CUBN: variants seen among roughly 807,000 people sequenced by gnomAD.
The protein encoded by CUBN is 460 kDa receptor.
CUBN carries 282 observed loss-of-function variants against 405.3 expected under a neutral mutation model. That is an observed-to-expected ratio of 0.70 (90% CI 0.63 to 0.77). The LOEUF (loss-of-function observed/expected upper bound fraction) is 0.77, where lower values mean the gene tolerates loss of function less well. Among genes scored for constraint, CUBN ranks in the 30% least tolerant of loss-of-function variants. CUBN has a pLI of 0.00. For synonymous variants in CUBN, 1,684 were observed against 1,617.0 expected (o/e 1.04, Z -0.99); for missense variants, 4,514 against 4,475.2 (o/e 1.01, Z -0.25).
intron 9 of CUBN, among the ~76,000 whole-genome samples, chr10:17,110,296 T>G (rs1488004316): frequency 1.3e-5 from 2 of 152,236 alleles, no homozygotes; most frequent in Non-Finnish European, 2.9e-5. Flanking sequence ...GTGCATGATA[T>G]TAACAAATTA....
At chr10:16,986,050 G>A (rs1356664029) in intron 29 of CUBN, among the ~76,000 whole-genome samples, 2 of 152,188 alleles carry the variant, frequency 1.3e-5, no homozygotes, top group Non-Finnish European at 2.9e-5. Flanking sequence ...GGTGGCGAAG[G>A]CAGGATGGGA....
intron 28 of CUBN, among the ~76,000 whole-genome samples, chr10:17,015,948 T>C (rs867697867): frequency 6.6e-6 from 1 of 151,976 alleles, no homozygotes; most frequent in African/African-American, 2.4e-5. Flanking sequence ...TGATCTCACT[T>C]TTCCTTTTGG....
intron 31 of CUBN, among the ~76,000 whole-genome samples, chr10:16,976,390 A>G (rs1300744826): frequency 6.6e-6 from 1 of 152,038 alleles, no homozygotes; most frequent in African/African-American, 2.4e-5. Context: ...TTTTACTTCC[A>G]ATCCTGGTTG....
intron 66 of CUBN, 131 bp downstream of exon 66, chr10:16,828,674 C>A (rs547248801): frequency 2.7e-6 from 2 of 732,022 alleles, no homozygotes; most frequent in Non-Finnish European, 4.7e-6. Flanking sequence ...GTTGAGATTG[C>A]GCGCACCACT....
chr10:16,972,111 C>A lies in CUBN; in HGVS notation c.4695+10373G>T, dbSNP rs372347800. On this transcript the variant is annotated intron_variant, in intron 31 of 66. Transcript: ENST00000377833. ...CCCTCGTGGTTTGAATGCTACCACT[C>A]TCTTCTGGTTCTCCACCAAGCACTC... Among the ~76,000 whole-genome samples, 48 of 152,284 alleles carry A rather than the reference C, an allele frequency of 3.2e-4. 1 individual carries two copies. The South Asian group carries it at 1.0e-2, about 32-fold the overall frequency.
At chr10:17,034,131 C>T (rs7894639) in intron 27 of CUBN, among the ~76,000 whole-genome samples, 142,282 of 152,228 alleles carry the variant, frequency 0.93, 66,526 homozygotes, top group African/African-American at 0.97. Flanking sequence ...ATGCCTTTGA[C>T]TGAAGTCCCC....
intron 6 of CUBN, among the ~76,000 whole-genome samples, chr10:17,116,514 G>C (rs1836903842): frequency 6.6e-6 from 1 of 152,216 alleles, no homozygotes; most frequent in Non-Finnish European, 1.5e-5. Flanking sequence ...TGGGGGAAAT[G>C]ACTGTTGGTG....
intron 27 of CUBN, among the ~76,000 whole-genome samples, chr10:17,021,960 C>T (rs1345618473): frequency 6.6e-6 from 1 of 152,160 alleles, no homozygotes; most frequent in Non-Finnish European, 1.5e-5. Flanking sequence ...GGCAGGTTCC[C>T]CATGCATCTC....
chr10:17,002,455 AT>A lies in CUBN; in HGVS notation c.4169-11941del, dbSNP rs11435297. Among the ~76,000 whole-genome samples, 36 of 151,354 alleles carry A rather than the reference AT, an allele frequency of 2.4e-4. 6 individuals carry two copies. The highest frequency in any genetic ancestry group is 1.4e-3 in the Admixed American group (22 of 15,188). ...GGAAGGTCATGGTGGTTTGAGGGTTATTTTTTTTTCTTTTTATAACTGTTTC... is the reference window on the plus strand; with the variant it reads ...GGAAGGTCATGGTGGTTTGAGGGTTATTTTTTTTCTTTTTATAACTGTTTC... On this transcript the variant is annotated intron_variant, in intron 28 of 66. Transcript: ENST00000377833.
intron 28 of CUBN, among the ~76,000 whole-genome samples, chr10:16,991,381 A>C (rs1833581996): frequency 7.1e-6 from 1 of 141,712 alleles, no homozygotes; most frequent in South Asian, 2.2e-4. Context: ...TGATGCTAGG[A>C]TACTAACTGA....
chr10:17,103,704 G>C (rs1836553066), intron 12 of CUBN, among the ~76,000 whole-genome samples: 1 of 152,214 alleles, frequency 6.6e-6, no homozygotes, highest in African/African-American at 2.4e-5. Context: ...TAAATGTGTT[G>C]ATTCCAAATC....
intron 33 of CUBN, among the ~76,000 whole-genome samples, chr10:16,951,918 A>C (rs1842931259): frequency 6.6e-6 from 1 of 152,198 alleles, no homozygotes. Flanking sequence ...CACATGTCAA[A>C]AACTATTTAT....
chr10:16,909,241 TC>T (rs1352406691), intron 48 of CUBN, among the ~76,000 whole-genome samples: 2 of 152,162 alleles, frequency 1.3e-5, no homozygotes, highest in Non-Finnish European at 2.9e-5. Flanking sequence ...TCTGGGGGCT[TC>T]TGGTGTAAAG....
At chr10:16,849,000 G>A (rs565467309) in intron 60 of CUBN, among the ~76,000 whole-genome samples, 4 of 152,040 alleles carry the variant, frequency 2.6e-5, no homozygotes, top group African/African-American at 9.6e-5. Flanking sequence ...CACCGCACTC[G>A]GCCGGCCAGG....
At chr10:17,113,813 C>T (rs1836822180) in intron 8 of CUBN, among the ~76,000 whole-genome samples, 1 of 152,160 alleles carries the variant, frequency 6.6e-6, no homozygotes, top group Non-Finnish European at 1.5e-5. Context: ...TAACCTTGCC[C>T]CAAAGTCTGA....
chr10:16,847,104 T>C (rs1302347488), intron 60 of CUBN, among the ~76,000 whole-genome samples: 3 of 152,194 alleles, frequency 2.0e-5, no homozygotes, highest in African/African-American at 4.8e-5. Flanking sequence ...TTTCTATTTA[T>C]GATTTTTGTC....
intron 27 of CUBN, among the ~76,000 whole-genome samples, chr10:17,028,437 C>T (rs1482119819): frequency 6.6e-6 from 1 of 151,780 alleles, no homozygotes; most frequent in African/African-American, 2.4e-5. Context: ...AAATAAAGAG[C>T]CTGCCGGGTG....
chr10:16,931,213 A>G (rs1013150515), intron 40 of CUBN, among the ~76,000 whole-genome samples: 3 of 152,010 alleles, frequency 2.0e-5, no homozygotes, highest in Non-Finnish European at 2.9e-5. Flanking sequence ...GCAGTGAGCC[A>G]AGATAGCGCC....
chr10:16,828,428 C>G (rs1258840080), intron 66 of CUBN, among the ~76,000 whole-genome samples: 2 of 152,194 alleles, frequency 1.3e-5, no homozygotes, highest in African/African-American at 4.8e-5. Context: ...CTTTGAAAGT[C>G]TACACTAGGC....
Sources: gnomAD v4.1 joint callset for allele counts (sites outside exome capture counted in the v4.1 genomes callset) on GRCh38, gnomAD v4.1.1 for gene constraint, MANE v1.5 for transcripts, NCBI Gene and HGNC (gene_info 2026-07-23, HGNC 2026-07-21) for gene names.